DGKB: variants seen among roughly 807,000 people sequenced by gnomAD.
DGKB encodes 90 kDa diacylglycerol kinase.
DGKB carries 67 observed loss-of-function variants against 114.3 expected under a neutral mutation model. That is an observed-to-expected ratio of 0.59 (90% confidence interval 0.48 to 0.72). The LOEUF is 0.72. Among genes scored for constraint, DGKB ranks in the 30% least tolerant of loss-of-function variants. The pLI is 0.00. For synonymous variants in DGKB, 398 were observed against 323.1 expected (o/e 1.23, Z -2.49); for missense variants, 907 against 975.2 (o/e 0.93, Z 0.93).
intron 19 of DGKB, among the ~76,000 whole-genome samples, chr7:14,578,726 T>C (rs1563570385): frequency 1.3e-5 from 2 of 152,244 alleles, no homozygotes; most frequent in Non-Finnish European, 2.9e-5. Flanking sequence ...ACTATAGTTC[T>C]GCATGTTTTC....
intron 2 of DGKB, among the ~76,000 whole-genome samples, chr7:14,839,811 G>T (rs762169351): frequency 1.3e-5 from 2 of 150,794 alleles, no homozygotes; most frequent in African/African-American, 4.8e-5. Context: ...TATTGACTCA[G>T]TCAATAGTCA....
chr7:14,650,052 C>A (rs1018380692), intron 13 of DGKB, among the ~76,000 whole-genome samples: 1 of 151,976 alleles, frequency 6.6e-6, no homozygotes, highest in Non-Finnish European at 1.5e-5. Flanking sequence ...TAAAGGGAGA[C>A]TTTAACACCC....
At chr7:14,256,394 A>G (rs1415041225) in intron 23 of DGKB, among the ~76,000 whole-genome samples, 1 of 151,956 alleles carries the variant, frequency 6.6e-6, no homozygotes, top group Non-Finnish European at 1.5e-5. Context: ...TTTTCCCTTT[A>G]AATACCACTT....
chr7:14,941,425 T>C (rs1298037536), intron 1 of DGKB, among the ~76,000 whole-genome samples: 2 of 152,072 alleles, frequency 1.3e-5, no homozygotes, highest in Non-Finnish European at 2.9e-5. Context: ...GAAGAAGATA[T>C]GTTTTTCAAA....
intron 20 of DGKB, among the ~76,000 whole-genome samples, chr7:14,495,128 A>G (rs1785113930): frequency 1.3e-5 from 2 of 151,832 alleles, no homozygotes; most frequent in African/African-American, 4.8e-5. Context: ...GTCCCCACTA[A>G]TCAGTGGCAC....
chr7:14,379,835 GGCGT>G (rs1819126590), intron 21 of DGKB, among the ~76,000 whole-genome samples: 1 of 151,164 alleles, frequency 6.6e-6, no homozygotes, highest in Non-Finnish European at 1.5e-5. Flanking sequence ...TGGGATTACA[GGCGT>G]GAGCGAGCGG....
intron 25 of DGKB, among the ~76,000 whole-genome samples, chr7:14,174,899 G>C (rs1487096230): frequency 1.3e-5 from 2 of 152,228 alleles, no homozygotes; most frequent in Admixed American, 1.3e-4. Flanking sequence ...AAAGATGTAT[G>C]TGTACACATA....
intron 13 of DGKB, among the ~76,000 whole-genome samples, chr7:14,653,296 G>C (rs555057082): frequency 7.2e-5 from 11 of 151,760 alleles, no homozygotes; most frequent in Admixed American, 1.3e-4. Flanking sequence ...AAAATGTGGC[G>C]CATATACACC....
intron 23 of DGKB, among the ~76,000 whole-genome samples, chr7:14,234,988 A>C (rs1792537295): frequency 6.6e-6 from 1 of 152,090 alleles, no homozygotes; most frequent in Admixed American, 6.6e-5. Context: ...TTTGCATAAA[A>C]ATTCTTTTGG....
Position 14,226,028 on chromosome 7 carries a change from T to A in DGKB, c.2123-47877A>T, listed in dbSNP as rs568261831. On this transcript the variant is annotated intron_variant, in intron 23 of 25. Coordinates refer to ENST00000402815, the MANE Select transcript of DGKB (RefSeq NM_001350709.2). The stretch of plus-strand genomic sequence containing the variant: ...TAGTTTCCAAACTAGTTAGTAAGTT[T>A]CCATTTGAAATATCTGAAGGTCAAA... 1.1e-3 allele frequency among the ~76,000 whole-genome samples: 167 copies of A among 152,078 alleles called. 1 individual carries two copies. Among genetic ancestry groups the A allele is most frequent in the Non-Finnish European group, 1.9e-3 (128 of 67,914 alleles).
chr7:14,413,871 C>T (rs1262306643), intron 21 of DGKB, among the ~76,000 whole-genome samples: 1 of 152,032 alleles, frequency 6.6e-6, no homozygotes, highest in African/African-American at 2.4e-5. Context: ...AGGATATTCA[C>T]CAGAAAGACA....
At chr7:14,915,929 A>G (rs1047777737) in intron 1 of DGKB, among the ~76,000 whole-genome samples, 1 of 152,066 alleles carries the variant, frequency 6.6e-6, no homozygotes, top group African/African-American at 2.4e-5. Flanking sequence ...AGGGTAAAAT[A>G]AAATGTTTTG....
chr7:14,781,957 A>T (rs978521745), intron 2 of DGKB, among the ~76,000 whole-genome samples: 34 of 152,052 alleles, frequency 2.2e-4, no homozygotes, highest in African/African-American at 8.2e-4. Context: ...GCCATCTTTA[A>T]TCCCTAGTAT....
rs541091954 is a variant in DGKB, at chr7:14,361,003, A to C, written c.1836-15612T>G. Among the ~76,000 whole-genome samples the C allele has an allele frequency of 9.9e-5, 15 of 152,150 alleles. No homozygotes were observed. In the East Asian group the frequency reaches 2.9e-3, roughly 29 times the overall value. ...TTGCAAAAATCGAGAAAAAAATTAC[A>C]CCTCTCTAGTTCCTTCACACATTAT... is the stretch of plus-strand genomic sequence containing the variant. On this transcript the variant is annotated intron_variant, in intron 21 of 25. Transcript: ENST00000402815.
At chr7:14,801,029 C>T (rs6944904) in intron 2 of DGKB, among the ~76,000 whole-genome samples, 41,322 of 152,064 alleles carry the variant, frequency 0.27, 8,804 homozygotes, top group African/African-American at 0.59. Context: ...GAAAAAAGGA[C>T]TGTAATGGTC....
chr7:14,562,119 G>A (rs1044570296), intron 20 of DGKB, among the ~76,000 whole-genome samples: 3 of 152,320 alleles, frequency 2.0e-5, no homozygotes, highest in African/African-American at 7.2e-5. Context: ...GTTCCAGAGG[G>A]TGCAAGCCCC....
intron 12 of DGKB, among the ~76,000 whole-genome samples, chr7:14,674,956 G>A (rs1057062356): frequency 1.3e-5 from 2 of 151,998 alleles, no homozygotes; most frequent in East Asian, 1.9e-4. Flanking sequence ...GCAGCCCTAG[G>A]AAACTAATAA....
At chr7:14,235,394 A>G (rs1792605079) in intron 23 of DGKB, among the ~76,000 whole-genome samples, 2 of 152,076 alleles carry the variant, frequency 1.3e-5, no homozygotes, top group Non-Finnish European at 2.9e-5. Flanking sequence ...TGCTTGGAAC[A>G]GGCAAAAGAA....
At chr7:14,612,180 A>C (rs967464424) in intron 16 of DGKB, among the ~76,000 whole-genome samples, 5 of 151,200 alleles carry the variant, frequency 3.3e-5, no homozygotes, top group Non-Finnish European at 7.4e-5. Flanking sequence ...ATTTTATTTT[A>C]TTTTATTTAT....
Sources: gnomAD v4.1 joint callset for allele counts (sites outside exome capture counted in the v4.1 genomes callset) on GRCh38, gnomAD v4.1.1 for gene constraint, MANE v1.5 for transcripts, NCBI Gene and HGNC (gene_info 2026-07-23, HGNC 2026-07-21) for gene names.